The following WNT9B variants were observed in gnomAD, a reference collection of about 807,000 sequenced individuals.
WNT9B encodes the protein protein Wnt-9b.
Under a neutral mutation model 30.2 loss-of-function variants are expected in WNT9B, and 12 were observed. The observed-to-expected ratio is 0.40, with a 90% CI of 0.26 to 0.64. The LOEUF (loss-of-function observed/expected upper bound fraction) is 0.64, where lower values mean the gene tolerates loss of function less well. Among genes scored for constraint, WNT9B ranks in the 30% least tolerant of loss-of-function variants. The pLI is 0.42. For missense variants in WNT9B, 442 were observed against 485.2 expected (o/e 0.91, Z 0.84); for synonymous variants, 218 against 216.9 (o/e 1.01, Z -0.05).
rs942058704 is a variant in WNT9B, at chr17:46,877,021, A to G, written c.*303A>G. ...AAATAAGGGAGACCAAGAGCACAGC[A>G]GGACTGAAATTTTGGACGGGAGAGA... On this transcript the variant is annotated 3_prime_UTR_variant, in exon 4 of 4. Transcript: ENST00000290015. 32 of 1,203,218 alleles carry G rather than the reference A, an allele frequency of 2.7e-5. No homozygotes were observed. The highest frequency in any genetic ancestry group is 3.2e-5 in the Non-Finnish European group (31 of 968,784). 74.5% of individuals were successfully genotyped at this position (1,203,218 alleles called of 1,614,324 possible).
At chr17:46,867,671 G>A (rs1191811315) in intron 1 of WNT9B, among the ~76,000 whole-genome samples, 1 of 152,230 alleles carries the variant, frequency 6.6e-6, no homozygotes, top group African/African-American at 2.4e-5. Flanking sequence ...TCACCCCAGC[G>A]GGGCAGCTTT....
intron 1 of WNT9B, among the ~76,000 whole-genome samples, chr17:46,838,162 A>G (rs2084655508): frequency 6.6e-6 from 1 of 152,116 alleles, no homozygotes. Context: ...CACTGGCCCT[A>G]CTGTTTTCTC....
At chr17:46,880,844 C>T (rs1197694573), downstream of WNT9B, among the ~76,000 whole-genome samples, 1 of 152,190 alleles carries the variant, frequency 6.6e-6, no homozygotes, top group Non-Finnish European at 1.5e-5. Context: ...CCAATTCAGA[C>T]AGGCCAGAGC....
chr17:46,864,399 C>T (rs2085097808), intron 1 of WNT9B, among the ~76,000 whole-genome samples: 1 of 152,138 alleles, frequency 6.6e-6, no homozygotes, highest in South Asian at 2.1e-4. Context: ...CTCTATCTAG[C>T]CAAGTATGTT....
Position 46,876,525 on chromosome 17 carries a change from G to A in WNT9B, c.881G>A (p.Ser294Asn), listed in dbSNP as rs770148152. The A allele has an allele frequency of 8.1e-6, 13 of 1,613,538 alleles. No homozygotes were observed. Among genetic ancestry groups the A allele is most frequent in the Middle Eastern group, 1.6e-4 (1 of 6,084 alleles). ...GACTCACCCAGCTTCTGCCGGCCCA[G>A]CAAGTACTCACCTGGCACAGCAGGT... ...MEDSPSFCRP[S>N]KYSPGTAGRV... Residue 294 changes from serine (S) to asparagine (N), a missense_variant, in exon 4 of 4, where the codon AGC becomes AAC. Transcript: ENST00000290015.
intron 2 of WNT9B, among the ~76,000 whole-genome samples, 195 bp downstream of exon 2, chr17:46,872,968 G>T (rs1791815398): frequency 6.6e-6 from 1 of 152,082 alleles, no homozygotes; most frequent in African/African-American, 2.4e-5. Context: ...CTGTGGCCCA[G>T]CCTCAGGTTT....
At chr17:46,852,895 G>C (rs1252249821) in intron 1 of WNT9B, among the ~76,000 whole-genome samples, 2 of 152,080 alleles carry the variant, frequency 1.3e-5, no homozygotes, top group African/African-American at 4.8e-5. Flanking sequence ...TAATTTCCAG[G>C]TCATGACCCC....
chr17:46,851,730 CG>C lies in WNT9B; in HGVS notation c.77+16del. 1.6e-6 allele frequency: 2 copies of C among 1,258,534 alleles called. No homozygotes were observed. The highest frequency in any genetic ancestry group is 2.0e-6 in the Non-Finnish European group (2 of 1,000,214). The allele number at this position is 1,258,534 out of a possible 1,614,324, so 78.0% of individuals were successfully genotyped here. ...TCCTACTTCGGGTCAGTGCCCGCCG[CG>C]CCCCCCGCCCGCTCCCCGGCCTGCC... On this transcript the variant is annotated intron_variant, in intron 1 of 3. Coordinates refer to ENST00000290015, the MANE Select transcript of WNT9B (RefSeq NM_003396.3). The surrounding 1 kb of genome is among the most constrained non-coding windows in gnomAD (Gnocchi z 4.3).
intron 1 of WNT9B, among the ~76,000 whole-genome samples, chr17:46,852,507 T>G (rs2084870373): frequency 6.7e-6 from 1 of 148,298 alleles, no homozygotes; most frequent in African/African-American, 2.5e-5. Context: ...TAGGTGACAC[T>G]GGGGAGAGAG....
chr17:46,876,220 C>T (rs200731575), intron 3 of WNT9B, 25 bp from the exon 4 acceptor site: 9 of 1,572,016 alleles, frequency 5.7e-6, no homozygotes, highest in African/African-American at 4.0e-5. Flanking sequence ...CCTCTGACCA[C>T]GCCTCTGTTC....
chr17:46,835,208 C>G (rs1014596852), intron 1 of WNT9B, among the ~76,000 whole-genome samples: 1 of 151,782 alleles, frequency 6.6e-6, no homozygotes, highest in Non-Finnish European at 1.5e-5. Flanking sequence ...CATGTTGTCC[C>G]TTATTCTTTT....
intron 1 of WNT9B, among the ~76,000 whole-genome samples, chr17:46,841,905 G>C (rs1305624900): frequency 1.3e-5 from 2 of 152,236 alleles, no homozygotes; most frequent in Admixed American, 1.3e-4. Flanking sequence ...GTGTGGGGGG[G>C]TCTCTGGTCC....
At chr17:46,865,477 G>A (rs146399318) in intron 1 of WNT9B, among the ~76,000 whole-genome samples, 243 of 152,286 alleles carry the variant, frequency 1.6e-3, no homozygotes, top group African/African-American at 5.5e-3. Context: ...AGTCCTCAGG[G>A]TGGGTTCATG....
At chr17:46,872,064 G>A (rs2085253756) in intron 1 of WNT9B, among the ~76,000 whole-genome samples, 1 of 152,162 alleles carries the variant, frequency 6.6e-6, no homozygotes, top group African/African-American at 2.4e-5. Context: ...CAGGAATGTG[G>A]CTCTCTTGGC....
chr17:46,848,780 C>T (rs2084805297), upstream of WNT9B, among the ~76,000 whole-genome samples: 1 of 152,214 alleles, frequency 6.6e-6, no homozygotes, highest in Non-Finnish European at 1.5e-5. Context: ...CAATTCCTGC[C>T]TCCACTACAG....
In WNT9B at chr17:46,872,579, AGGGC is replaced by A; in HGVS notation, c.144_147del (p.Gly49ProfsTer3). The A allele has an allele frequency of 6.2e-7, 1 of 1,602,268 alleles. No individual in the cohort carries two copies. The highest frequency in any genetic ancestry group is 8.5e-7 in the Non-Finnish European group (1 of 1,173,146). On this transcript the variant is annotated frameshift_variant, in exon 2 of 4. Coordinates refer to ENST00000290015, the MANE Select transcript of WNT9B (RefSeq NM_003396.3). LOFTEE classifies it high-confidence loss of function. ...TTGGGCACTGCGGCAGCCCCGGCAC[AGGGC>A]GGGGCCCACCTGAAGCAGTGTGACC... is the stretch of plus-strand genomic sequence containing the variant.
At chr17:46,856,323 T>C (rs569609350) in intron 1 of WNT9B, among the ~76,000 whole-genome samples, 1 of 152,302 alleles carries the variant, frequency 6.6e-6, no homozygotes, top group African/African-American at 2.4e-5. Flanking sequence ...GGCACATATG[T>C]GCTAAGTGCT....
Position 46,875,198 on chromosome 17 carries a change from C to T in WNT9B, c.432C>T (p.Thr144=). Residue 144 remains threonine, a synonymous_variant, in exon 3 of 4, where the codon ACC becomes ACT. Transcript: ENST00000290015. Reference sequence around the variant, plus strand: ...GCGCTGGGCGCATGGAGCGCTGCACCTGTGATGACTCTCCGGGGCTGGAGA... The same window carrying T: ...GCGCTGGGCGCATGGAGCGCTGCACTTGTGATGACTCTCCGGGGCTGGAGA... ...ACSAGRMERC[T]CDDSPGLESR... 2 of 1,614,146 alleles carry T rather than the reference C, an allele frequency of 1.2e-6. No homozygotes were observed. Among genetic ancestry groups the T allele is most frequent in the East Asian group, 2.2e-5 (1 of 44,884 alleles).
At chr17:46,852,384 G>A (rs115389337) in intron 1 of WNT9B, among the ~76,000 whole-genome samples, 252 of 143,286 alleles carry the variant, frequency 1.8e-3, no homozygotes, top group African/African-American at 6.5e-3. Flanking sequence ...AGAGTGAGAG[G>A]GCCCAGTGTG....
Sources: allele counts gnomAD v4.1 joint callset (sites outside exome capture counted in the v4.1 genomes callset), GRCh38; gene constraint gnomAD v4.1.1; non-coding constraint Gnocchi (gnomAD v3.1); transcripts MANE v1.5; gene names NCBI Gene and HGNC (gene_info 2026-07-23, HGNC 2026-07-21).